The following EEFSEC variants were observed in gnomAD, a reference collection of about 807,000 sequenced individuals.
EEFSEC encodes the protein eukaryotic elongation factor, selenocysteine-tRNA specific.
Under a neutral mutation model 42.1 loss-of-function variants are expected in EEFSEC, and 43 were observed. The ratio of observed to expected loss-of-function variants is 1.02; its 90% confidence interval spans 0.80 to 1.32. EEFSEC has a LOEUF of 1.32. Ranked by LOEUF, EEFSEC falls within the 40% of genes most tolerant of loss-of-function variation. The probability of loss-of-function intolerance (pLI) is 0.00; values close to 1 mark genes in which losing one functional copy is unlikely to be tolerated. For missense variants in EEFSEC, 745 were observed against 803.6 expected (o/e 0.93, Z 0.88); for synonymous variants, 354 against 339.1 (o/e 1.04, Z -0.48).
At chr3:128,209,210 C>G (rs1416200924) in intron 1 of EEFSEC, among the ~76,000 whole-genome samples, 1 of 152,208 alleles carries the variant, frequency 6.6e-6, no homozygotes, top group African/African-American at 2.4e-5. Context: ...CTTCTCAGAG[C>G]CTTTCATCCT....
At chr3:128,235,443 G>A (rs2065998628) in intron 1 of EEFSEC, among the ~76,000 whole-genome samples, 1 of 148,650 alleles carries the variant, frequency 6.7e-6, no homozygotes, top group Admixed American at 6.9e-5. Flanking sequence ...AATCTTAAAG[G>A]TACAAAAAGG....
intron 2 of EEFSEC, among the ~76,000 whole-genome samples, chr3:128,250,058 A>G (rs1559886439): frequency 6.6e-6 from 1 of 152,054 alleles, no homozygotes; most frequent in Non-Finnish European, 1.5e-5. Flanking sequence ...TTTTTGAGAA[A>G]TATCTATTCA....
chr3:128,342,227 A>G (rs2067263577), intron 5 of EEFSEC, among the ~76,000 whole-genome samples: 1 of 152,152 alleles, frequency 6.6e-6, no homozygotes, highest in Non-Finnish European at 1.5e-5. Flanking sequence ...GTCAGATGGC[A>G]GCGGTTAGCA....
intron 5 of EEFSEC, among the ~76,000 whole-genome samples, chr3:128,342,889 G>A (rs534704527): frequency 1.3e-5 from 2 of 152,332 alleles, no homozygotes; most frequent in Admixed American, 6.5e-5. Context: ...CATGCCCATC[G>A]GGCCTTGAAG....
At chr3:128,195,593 G>A (rs867567189) in intron 1 of EEFSEC, among the ~76,000 whole-genome samples, 6 of 152,174 alleles carry the variant, frequency 3.9e-5, no homozygotes, top group Non-Finnish European at 7.3e-5. Context: ...CAGGCTCTGC[G>A]AACCTCTGCT....
chr3:128,364,451 G>C (rs2067564693), intron 6 of EEFSEC, among the ~76,000 whole-genome samples: 1 of 152,222 alleles, frequency 6.6e-6, no homozygotes. Context: ...GCTAGAATCA[G>C]ATGTGTGATG....
At chr3:128,221,730 C>T (rs1455961217) in intron 1 of EEFSEC, among the ~76,000 whole-genome samples, 1 of 152,072 alleles carries the variant, frequency 6.6e-6, no homozygotes, top group Non-Finnish European at 1.5e-5. Flanking sequence ...GAAAGAGAAT[C>T]TATGGATTCT....
chr3:128,230,515 T>C (rs962347563), intron 1 of EEFSEC, among the ~76,000 whole-genome samples: 1 of 152,150 alleles, frequency 6.6e-6, no homozygotes, highest in African/African-American at 2.4e-5. Context: ...GGACAGGCCT[T>C]TGTGAATGAT....
At chr3:128,156,981 G>A (rs1944391673) in intron 1 of EEFSEC, among the ~76,000 whole-genome samples, 1 of 152,218 alleles carries the variant, frequency 6.6e-6, no homozygotes, top group South Asian at 2.1e-4. Flanking sequence ...TGAAAGCAAG[G>A]CCTCTTACAC....
intron 1 of EEFSEC, among the ~76,000 whole-genome samples, chr3:128,235,793 G>A (rs2066002735): frequency 6.6e-6 from 1 of 152,238 alleles, no homozygotes; most frequent in African/African-American, 2.4e-5. Context: ...ACGTAGCAAT[G>A]AGTGTCCACA....
intron 4 of EEFSEC, among the ~76,000 whole-genome samples, chr3:128,327,265 C>T (rs1293796402): frequency 6.6e-6 from 1 of 151,798 alleles, no homozygotes; most frequent in Non-Finnish European, 1.5e-5. Context: ...TCAGACCTGC[C>T]CTGGCACCTC....
Position 128,341,826 on chromosome 3 carries a change from C to A in EEFSEC, c.1380C>A (p.Ala460=). ...LLHGLEDRNY[A]DSFLPRLKVY... ...ACGGGCTAGAGGACAGGAACTACGC[C>A]GACAGCTTCCTGCCCAGGCTGAAGG... Residue 460 remains alanine (A), a synonymous_variant, in exon 5 of 7, where the codon GCC becomes GCA. Coordinates refer to ENST00000254730, the MANE Select transcript of EEFSEC (RefSeq NM_021937.5). 6.2e-7 allele frequency: 1 copy of A among 1,613,980 alleles called. No individual in the cohort carries two copies. The highest frequency in any genetic ancestry group is 8.5e-7 in the Non-Finnish European group (1 of 1,180,042).
intron 4 of EEFSEC, among the ~76,000 whole-genome samples, chr3:128,315,407 G>A (rs2066933686): frequency 6.6e-6 from 1 of 152,204 alleles, no homozygotes; most frequent in South Asian, 2.1e-4. Flanking sequence ...GTAATCATGG[G>A]CAGTAGGACC....
At chr3:128,422,975 C>G in the EEFSEC span, among the ~76,000 whole-genome samples, 1 of 152,230 alleles carries the variant, frequency 6.6e-6, no homozygotes, top group Non-Finnish European at 1.5e-5. Context: ...TTCCCAGGCC[C>G]ACACCAACCA....
intron 6 of EEFSEC, among the ~76,000 whole-genome samples, chr3:128,376,794 A>G (rs1292560740): frequency 2.6e-5 from 4 of 152,180 alleles, no homozygotes; most frequent in Non-Finnish European, 5.9e-5. Context: ...CAGAGTCAGC[A>G]GTGTCTCATG....
At chr3:128,313,701 G>A (rs886545472) in intron 4 of EEFSEC, among the ~76,000 whole-genome samples, 7 of 152,250 alleles carry the variant, frequency 4.6e-5, no homozygotes, top group Admixed American at 2.6e-4. Context: ...GCAGAGAACT[G>A]TTCCCGGGCT....
chr3:128,380,779 C>T (rs966531730), intron 6 of EEFSEC, among the ~76,000 whole-genome samples: 8 of 152,336 alleles, frequency 5.3e-5, no homozygotes, highest in Admixed American at 2.0e-4. Context: ...GTTGTGTCCA[C>T]GTCTCCACAA....
Position 128,175,265 on chromosome 3 carries a change from A to T in EEFSEC, c.316+21442A>T, listed in dbSNP as rs1023504071. On this transcript the variant is annotated intron_variant, in intron 1 of 6. Coordinates refer to ENST00000254730, the MANE Select transcript of EEFSEC (RefSeq NM_021937.5). ...GCTCTGGAGATACTCTAATGCTAGGAATTATTTCCTCTTTTGTGGTCTTTG... is the reference window on the plus strand; with the variant it reads ...GCTCTGGAGATACTCTAATGCTAGGTATTATTTCCTCTTTTGTGGTCTTTG... 7.9e-5 allele frequency among the ~76,000 whole-genome samples: 12 copies of T among 152,180 alleles called. No homozygotes were observed. In the East Asian group the frequency reaches 2.3e-3, roughly 29 times the overall value.
At chr3:128,241,711 A>G (rs976360341) in intron 1 of EEFSEC, among the ~76,000 whole-genome samples, 1 of 152,224 alleles carries the variant, frequency 6.6e-6, no homozygotes, top group African/African-American at 2.4e-5. Flanking sequence ...GTAGACCACC[A>G]CTGTGCATGT....
Sources: allele counts gnomAD v4.1 joint callset (sites outside exome capture counted in the v4.1 genomes callset), GRCh38; gene constraint gnomAD v4.1.1; transcripts MANE v1.5; gene names NCBI Gene and HGNC (gene_info 2026-07-23, HGNC 2026-07-21).